The following GPC5 variants were observed in gnomAD, a reference collection of about 807,000 sequenced individuals.
GPC5 encodes the protein glypican-5.
A neutral mutation model predicts 53.9 loss-of-function variants in GPC5; 47 were observed. The ratio of observed to expected loss-of-function variants is 0.87; its 90% CI spans 0.69 to 1.11. The LOEUF is 1.11. Among genes scored for constraint, GPC5 ranks in the 50% most tolerant of loss-of-function variants. GPC5 has a pLI of 0.00. For synonymous variants in GPC5, 286 were observed against 263.3 expected, an observed-to-expected ratio of 1.09 and a Z score of -0.84; for missense variants, 748 against 713.1, an observed-to-expected ratio of 1.05 and a Z score of -0.56.
chr13:92,378,353 G>A (rs1285660421), intron 7 of GPC5, among the ~76,000 whole-genome samples: 1 of 152,150 alleles, frequency 6.6e-6, no homozygotes, highest in African/African-American at 2.4e-5. Flanking sequence ...AAATCCATGG[G>A]TGTTCATCAT....
At chr13:92,858,201 G>A (rs1422561679) in intron 7 of GPC5, among the ~76,000 whole-genome samples, 1 of 152,104 alleles carries the variant, frequency 6.6e-6, no homozygotes, top group Non-Finnish European at 1.5e-5. Context: ...CCTGGTTGGA[G>A]GTAATTGAAT....
intron 7 of GPC5, among the ~76,000 whole-genome samples, chr13:92,827,331 A>G (rs969463061): frequency 2.8e-4 from 43 of 152,282 alleles, no homozygotes; most frequent in African/African-American, 9.9e-4. Flanking sequence ...CATTTAACAT[A>G]TAAGTGGCTA....
intron 5 of GPC5, among the ~76,000 whole-genome samples, chr13:91,805,707 T>C (rs1418443230): frequency 6.6e-6 from 1 of 152,210 alleles, no homozygotes; most frequent in Non-Finnish European, 1.5e-5. Context: ...CTTCAAATTA[T>C]AACTTCAAAT....
At chr13:91,528,886 G>A (rs1026467323) in intron 2 of GPC5, among the ~76,000 whole-genome samples, 8 of 152,258 alleles carry the variant, frequency 5.3e-5, no homozygotes, top group South Asian at 2.1e-4. Flanking sequence ...ATCAGAGTGC[G>A]TGAGAACCCC....
intron 5 of GPC5, among the ~76,000 whole-genome samples, chr13:91,884,413 G>A (rs1280804417): frequency 6.6e-6 from 1 of 152,164 alleles, no homozygotes; most frequent in East Asian, 1.9e-4. Context: ...GGCATATTAT[G>A]CAGCCATAAA....
intron 7 of GPC5, among the ~76,000 whole-genome samples, chr13:92,398,135 A>T (rs950418996): frequency 6.6e-6 from 1 of 152,140 alleles, no homozygotes; most frequent in African/African-American, 2.4e-5. Flanking sequence ...TAAAAACAGG[A>T]TTAATTTATT....
chr13:92,462,508 G>A (rs1256170504), intron 7 of GPC5, among the ~76,000 whole-genome samples: 2 of 152,086 alleles, frequency 1.3e-5, no homozygotes, highest in Admixed American at 1.3e-4. Context: ...TCTTGAAGAA[G>A]AGCAATAATT....
intron 7 of GPC5, among the ~76,000 whole-genome samples, chr13:92,721,229 C>A (rs748278108): frequency 3.3e-5 from 5 of 151,854 alleles, no homozygotes; most frequent in Non-Finnish European, 7.4e-5. Context: ...ACTGTACACC[C>A]GGCAGCTGCT....
chr13:92,329,618 T>A (rs1023046630), intron 7 of GPC5, among the ~76,000 whole-genome samples: 5 of 152,204 alleles, frequency 3.3e-5, no homozygotes, highest in African/African-American at 1.2e-4. Context: ...TAGTTTCTGC[T>A]GCCACCATAA....
chr13:92,757,580 C>A (rs574472707), intron 7 of GPC5, among the ~76,000 whole-genome samples: 1 of 152,120 alleles, frequency 6.6e-6, no homozygotes, highest in East Asian at 1.9e-4. Flanking sequence ...GCATCCTACT[C>A]ATCTGAAAAA....
At chr13:92,574,913 G>A (rs1337887943) in intron 7 of GPC5, among the ~76,000 whole-genome samples, 3 of 152,140 alleles carry the variant, frequency 2.0e-5, no homozygotes, top group Non-Finnish European at 4.4e-5. Context: ...TGGACCAAAA[G>A]GAAGGAAGAG....
intron 2 of GPC5, among the ~76,000 whole-genome samples, chr13:91,491,314 C>G (rs1883931870): frequency 6.6e-6 from 1 of 152,146 alleles, no homozygotes; most frequent in Non-Finnish European, 1.5e-5. Flanking sequence ...TTATATGACT[C>G]TCTTTAAAAT....
chr13:92,312,707 A>T (rs2043153013), intron 7 of GPC5, among the ~76,000 whole-genome samples: 1 of 152,160 alleles, frequency 6.6e-6, no homozygotes, highest in Non-Finnish European at 1.5e-5. Flanking sequence ...TCTTCATGTT[A>T]AATTAGAAAA....
intron 2 of GPC5, among the ~76,000 whole-genome samples, chr13:91,606,215 T>C (rs1299745069): frequency 2.0e-5 from 3 of 151,434 alleles, no homozygotes; most frequent in Non-Finnish European, 2.9e-5. Flanking sequence ...GAGATAATCA[T>C]GTGGTTTTTG....
intron 6 of GPC5, among the ~76,000 whole-genome samples, chr13:92,036,045 C>G (rs2040890566): frequency 1.3e-5 from 2 of 152,172 alleles, no homozygotes; most frequent in East Asian, 3.9e-4. Context: ...TTTGATAGTT[C>G]TATCACATCA....
At position 92,293,848 on chromosome 13, in the gene GPC5, A is replaced by G. The variant is rs576616130; in HGVS notation, c.1561+148859A>G. Among the ~76,000 whole-genome samples the G allele has an allele frequency of 4.7e-4, 71 of 152,222 alleles. 1 individual carries two copies. The highest frequency in any genetic ancestry group is 1.6e-3 in the African/African-American group (67 of 41,524). ...GGGTTTGTCATGGATGGCTTTTATT[A>G]TATTGAGCTATGTCCCTTGTATGCA... On this transcript the variant is annotated intron_variant, in intron 7 of 7. Coordinates refer to ENST00000377067, the MANE Select transcript of GPC5 (RefSeq NM_004466.6).
intron 7 of GPC5, among the ~76,000 whole-genome samples, chr13:92,715,676 C>T (rs1051822381): frequency 2.0e-5 from 3 of 152,162 alleles, no homozygotes; most frequent in Admixed American, 1.3e-4. Context: ...TTATTTAACT[C>T]TTGCTGTACT....
chr13:91,939,760 C>A lies in GPC5; in HGVS notation c.1401+31703C>A, dbSNP rs148742534. ...CATATGAGAGGATGAAGTCATCAAG[C>A]AAGACTACCACGAGGGCTGAAGAAG... On this transcript the variant is annotated intron_variant, in intron 6 of 7. Coordinates refer to ENST00000377067, the MANE Select transcript of GPC5 (RefSeq NM_004466.6). 5.4e-3 allele frequency among the ~76,000 whole-genome samples: 824 copies of A among 152,200 alleles called. 15 individuals carry two copies. The highest frequency in any genetic ancestry group is 0.019 in the African/African-American group (794 of 41,546).
chr13:91,575,844 A>G (rs1401132844), intron 2 of GPC5, among the ~76,000 whole-genome samples: 1 of 152,158 alleles, frequency 6.6e-6, no homozygotes, highest in Non-Finnish European at 1.5e-5. Flanking sequence ...AAAACTTTTT[A>G]TACTATACCA....
Sources: allele counts gnomAD v4.1 joint callset (sites outside exome capture counted in the v4.1 genomes callset), GRCh38; gene constraint gnomAD v4.1.1; transcripts MANE v1.5; gene names NCBI Gene and HGNC (gene_info 2026-07-23, HGNC 2026-07-21).